The following NAALADL2 variants were observed in gnomAD, a reference collection of about 807,000 sequenced individuals.
NAALADL2 encodes the protein N-acetylated alpha-linked acidic dipeptidase like 2, also known as inactive N-acetylated-alpha-linked acidic dipeptidase-like protein 2.
Under a neutral mutation model 87.2 loss-of-function variants are expected in NAALADL2, and 76 were observed. That is an observed-to-expected ratio of 0.87 (90% CI 0.72 to 1.05). The LOEUF (loss-of-function observed/expected upper bound fraction) is 1.05, where lower values mean the gene tolerates loss of function less well. NAALADL2 is among the 50% of genes least tolerant of loss of function. The pLI is 0.00. For synonymous variants in NAALADL2, 354 were observed against 331.0 expected, an observed-to-expected ratio of 1.07 and a Z score of -0.75; for missense variants, 1,089 against 945.8, an observed-to-expected ratio of 1.15 and a Z score of -1.99.
intron 5 of NAALADL2, among the ~76,000 whole-genome samples, chr3:175,422,378 G>T (rs1715849815): frequency 6.6e-6 from 1 of 152,070 alleles, no homozygotes; most frequent in Non-Finnish European, 1.5e-5. Context: ...AGAAATGCAT[G>T]AAATAGATAA....
intron 1 of NAALADL2, among the ~76,000 whole-genome samples, chr3:174,969,967 A>G (rs1416833070): frequency 6.6e-6 from 1 of 152,242 alleles, no homozygotes; most frequent in Non-Finnish European, 1.5e-5. Flanking sequence ...GGATCAAAAC[A>G]GCAAGTCAGA....
At position 175,228,886 on chromosome 3, in the gene NAALADL2, A is replaced by C. The variant is rs1744544499; in HGVS notation, c.546-5045A>C. On this transcript the variant is annotated intron_variant, in intron 2 of 13. Transcript: ENST00000454872. ...TTTACTTTTAAAAATGGATGTGAAA[A>C]TAATAAAATATTTGCAAAATATATC... 2.0e-5 allele frequency among the ~76,000 whole-genome samples: 3 copies of C among 152,094 alleles called. No homozygotes were observed. In the South Asian group the frequency reaches 6.2e-4, roughly 31 times the overall value.
intron 2 of NAALADL2, among the ~76,000 whole-genome samples, chr3:174,654,353 G>T (rs769040334): frequency 3.9e-5 from 6 of 151,962 alleles, no homozygotes; most frequent in Non-Finnish European, 8.8e-5. Context: ...TAAAAATAAA[G>T]ATTAATTAGA....
At chr3:174,863,967 T>G (rs538818328) in intron 1 of NAALADL2, 22 of 436,836 alleles carry the variant, frequency 5.0e-5, no homozygotes, top group Admixed American at 3.7e-4. Flanking sequence ...GATATTGAGG[T>G]AACAGGACAT....
Position 175,416,530 on chromosome 3 carries a change from A to G in NAALADL2, c.1091-30699A>G, listed in dbSNP as rs1032260810. Among the ~76,000 whole-genome samples, 4 of 152,310 alleles carry G rather than the reference A, an allele frequency of 2.6e-5. No homozygotes were observed. In the South Asian group the frequency reaches 8.3e-4, roughly 32 times the overall value. On this transcript the variant is annotated intron_variant, in intron 5 of 13. Transcript: ENST00000454872. ...ATCATAACAGTAAATGATAACAGTT[A>G]TAGGATTTAAGAAGTATTGTGCTAA...
chr3:175,715,467 A>G (rs899321675), intron 11 of NAALADL2, among the ~76,000 whole-genome samples: 2 of 152,192 alleles, frequency 1.3e-5, no homozygotes, highest in South Asian at 2.1e-4. Flanking sequence ...TTTTTTGCAT[A>G]GACATTGTAA....
intron 2 of NAALADL2, among the ~76,000 whole-genome samples, chr3:174,553,535 A>C (rs1277029402): frequency 6.6e-5 from 10 of 152,220 alleles, no homozygotes; most frequent in Admixed American, 6.5e-4. Flanking sequence ...ATGTAAATGC[A>C]TGTGCGTTCA....
At chr3:175,746,315 GTT>G (rs397765614) in intron 12 of NAALADL2, among the ~76,000 whole-genome samples, 17 of 123,420 alleles carry the variant, frequency 1.4e-4, no homozygotes, top group African/African-American at 3.7e-4. Flanking sequence ...CACTTGGTTT[GTT>G]TTTTTTTTTT....
At chr3:174,588,491 T>C (rs2108578140) in intron 2 of NAALADL2, among the ~76,000 whole-genome samples, 1 of 152,320 alleles carries the variant, frequency 6.6e-6, no homozygotes, top group South Asian at 2.1e-4. Context: ...CTCTGGTTTT[T>C]CCCCATCTTC....
chr3:174,649,964 TAGAA>T lies in NAALADL2; in HGVS notation c.-114-87674_-114-87671del, dbSNP rs371212659. ...CACTTCTCTTGAGAAGTAGATGTAT[TAGAA>T]AGCACATAGATGAAGGAAAATTTAT... On this transcript the variant is annotated intron_variant, in intron 2 of 3. Transcript: ENST00000434257. Among the ~76,000 whole-genome samples the T allele has an allele frequency of 1.6e-4, 25 of 152,274 alleles. No individual in the cohort carries two copies. In the East Asian group the frequency reaches 3.5e-3, roughly 21 times the overall value.
At chr3:175,448,363 T>C (rs930702604) in intron 6 of NAALADL2, among the ~76,000 whole-genome samples, 1 of 152,240 alleles carries the variant, frequency 6.6e-6, no homozygotes, top group Non-Finnish European at 1.5e-5. Context: ...CCCAACAAAT[T>C]GATTATGGGC....
intron 3 of NAALADL2, among the ~76,000 whole-genome samples, chr3:174,747,637 A>AG (rs1476710000): frequency 6.6e-6 from 1 of 150,722 alleles, no homozygotes; most frequent in East Asian, 1.9e-4. Flanking sequence ...AAAAAAAAAA[A>AG]AAAAAAAAAG....
chr3:175,713,575 A>C (rs1422793454), intron 11 of NAALADL2, among the ~76,000 whole-genome samples: 3 of 152,140 alleles, frequency 2.0e-5, no homozygotes, highest in Non-Finnish European at 2.9e-5. Context: ...AAAATTTTAG[A>C]ATATCAAGTA....
At chr3:174,442,702 AC>A (rs1448580179) in intron 1 of NAALADL2, among the ~76,000 whole-genome samples, 2 of 152,218 alleles carry the variant, frequency 1.3e-5, no homozygotes, top group East Asian at 3.9e-4. Flanking sequence ...CTTGGAATAT[AC>A]ATTCTAGTGG....
intron 3 of NAALADL2, among the ~76,000 whole-genome samples, chr3:174,768,995 A>G (rs1315090022): frequency 6.6e-6 from 1 of 151,796 alleles, no homozygotes; most frequent in Non-Finnish European, 1.5e-5. Context: ...TTCTTTTTAA[A>G]ATTTCAGGTT....
chr3:175,377,072 G>T (rs914075689), intron 5 of NAALADL2, among the ~76,000 whole-genome samples: 2 of 151,940 alleles, frequency 1.3e-5, no homozygotes, highest in Admixed American at 6.6e-5. Context: ...CAGTACTTTG[G>T]GAGACCCAAG....
At chr3:175,575,943 T>C in intron 9 of NAALADL2, 98 bp from the exon 10 acceptor site, 1 of 979,076 alleles carries the variant, frequency 1.0e-6, no homozygotes, top group Non-Finnish European at 1.5e-6. Flanking sequence ...AGGGAGACAT[T>C]GATGCTGCTG....
chr3:174,521,326 G>A lies in NAALADL2; in HGVS notation c.-183-29243G>A, dbSNP rs374396733. Among the ~76,000 whole-genome samples the A allele has an allele frequency of 5.3e-4, 80 of 152,010 alleles. 1 individual carries two copies. In the South Asian group the frequency reaches 0.016, roughly 30 times the overall value. On this transcript the variant is annotated intron_variant, in intron 1 of 3. Coordinates refer to the NAALADL2 transcript ENST00000434257. ...GGTCATAAAAAAGAATAAAATGTTC[G>A]GGGCCGAGGCAGGCGGATCACTTGA... is the stretch of plus-strand genomic sequence containing the variant.
At chr3:174,787,573 CATCATATATATATATATATATATATATAT>C in intron 3 of NAALADL2, among the ~76,000 whole-genome samples, 1 of 15,666 alleles carries the variant, frequency 6.4e-5, no homozygotes, top group Non-Finnish European at 1.3e-4. Context: ...GGCAATATAT[CATCATATATATATATATATATATATATAT>C]ATATATATAT....
Sources: gnomAD v4.1 joint callset for allele counts (sites outside exome capture counted in the v4.1 genomes callset) on GRCh38, gnomAD v4.1.1 for gene constraint, MANE v1.5 for transcripts, NCBI Gene and HGNC (gene_info 2026-07-23, HGNC 2026-07-21) for gene names.